The following SNTG2 variants were observed in gnomAD, a reference collection of about 807,000 sequenced individuals.
The protein encoded by SNTG2 is syntrophin gamma 2.
In SNTG2, 74 loss-of-function variants were observed where a neutral mutation model predicts 70.9. That is an observed-to-expected ratio of 1.04 (90% CI 0.86 to 1.27). The LOEUF is 1.27. Among genes scored for constraint, SNTG2 ranks in the 50% most tolerant of loss-of-function variants. SNTG2 has a pLI of 0.00. For synonymous variants in SNTG2, 278 were observed against 273.8 expected, an observed-to-expected ratio of 1.02 and a Z score of -0.15; for missense variants, 717 against 690.7, an observed-to-expected ratio of 1.04 and a Z score of -0.43.
At chr2:1,181,932 T>TA (rs1229542043) in intron 8 of SNTG2, among the ~76,000 whole-genome samples, 1 of 152,208 alleles carries the variant, frequency 6.6e-6, no homozygotes, top group Non-Finnish European at 1.5e-5. Context: ...CTCACATTAA[T>TA]ATCATGCGTT....
rs374123378 is a variant in SNTG2 at position 1,134,451 on chromosome 2, C to G, written c.326-3171C>G. ...ACTAGATTAGCTAGATACAGAGTGTCGACACAAAGGTTCTCCAAGTCTCCA... is the reference window on the plus strand; with the variant it reads ...ACTAGATTAGCTAGATACAGAGTGTGGACACAAAGGTTCTCCAAGTCTCCA... On this transcript the variant is annotated intron_variant, in intron 4 of 16. Coordinates refer to ENST00000308624, the MANE Select transcript of SNTG2 (RefSeq NM_018968.4). 9.6e-4 allele frequency among the ~76,000 whole-genome samples: 129 copies of G among 134,666 alleles called. 2 individuals are homozygous for G. In the South Asian group the frequency reaches 0.031, roughly 33 times the overall value. 88.3% of individuals were successfully genotyped at this position (134,666 alleles called of 152,430 possible).
intron 14 of SNTG2, among the ~76,000 whole-genome samples, chr2:1,304,147 A>G (rs1186679815): frequency 3.3e-5 from 5 of 152,234 alleles, no homozygotes; most frequent in African/African-American, 4.8e-5. Flanking sequence ...ACTCCAGAAA[A>G]TAAACTACAG....
chr2:1,294,428 A>G (rs1250258464), intron 14 of SNTG2, among the ~76,000 whole-genome samples: 2 of 152,280 alleles, frequency 1.3e-5, no homozygotes, highest in Non-Finnish European at 1.5e-5. Flanking sequence ...GAATGAATTT[A>G]TAAGAGAAAC....
Position 1,351,327 on chromosome 2 carries a change from AC to A in SNTG2, c.1489-16014del, listed in dbSNP as rs1168370526. On this transcript the variant is annotated intron_variant, in intron 16 of 16. Transcript: ENST00000308624. ...GTTTGCACAAGTCAGATGTTTTTTAACCTTCTGGCAAGATAATAATGCTGAG... is the reference window on the plus strand; with the variant it reads ...GTTTGCACAAGTCAGATGTTTTTTAACTTCTGGCAAGATAATAATGCTGAG... Among the ~76,000 whole-genome samples the A allele has an allele frequency of 3.9e-5, 6 of 152,208 alleles. No homozygotes were observed. The East Asian group carries it at 1.2e-3, about 29-fold the overall frequency.
chr2:1,120,233 C>A (rs1294504719), intron 4 of SNTG2, among the ~76,000 whole-genome samples: 1 of 151,924 alleles, frequency 6.6e-6, no homozygotes, highest in Non-Finnish European at 1.5e-5. Context: ...TATTACAAAA[C>A]AACAAGAGAA....
At position 1,266,394 on chromosome 2, in the gene SNTG2, G is replaced by T. The variant is rs1678736020; in HGVS notation, c.1078-971G>T. Among the ~76,000 whole-genome samples, 3 of 152,340 alleles carry T rather than the reference G, an allele frequency of 2.0e-5. No homozygotes were observed. The South Asian group carries it at 6.2e-4, about 32-fold the overall frequency. ...CCCCAGGCTGCTCCATGCAGCACAG[G>T]CTGGCAGCATCCGAATCGCCGAGTG... On this transcript the variant is annotated intron_variant, in intron 13 of 16. Transcript: ENST00000308624.
chr2:1,151,311 T>TC (rs1196658206), intron 6 of SNTG2, among the ~76,000 whole-genome samples: 45 of 152,396 alleles, frequency 3.0e-4, no homozygotes, highest in Admixed American at 2.7e-3. Flanking sequence ...GCGGGCTGCC[T>TC]CCGGGGGGTG....
At chr2:982,404 A>C (rs1461892631) in intron 1 of SNTG2, among the ~76,000 whole-genome samples, 1 of 152,292 alleles carries the variant, frequency 6.6e-6, no homozygotes, top group Non-Finnish European at 1.5e-5. Context: ...CCCTCGGTAC[A>C]CGGAGGACAC....
At chr2:1,031,522 A>ATATATATATATATATG (rs1379364116) in intron 1 of SNTG2, among the ~76,000 whole-genome samples, 1 of 47,766 alleles carries the variant, frequency 2.1e-5, no homozygotes, top group Non-Finnish European at 4.0e-5. Flanking sequence ...ATATATATAT[A>ATATATATATATATATG]TATATATTTT....
intron 1 of SNTG2, among the ~76,000 whole-genome samples, chr2:969,499 G>C (rs546163204): frequency 6.6e-6 from 1 of 152,134 alleles, no homozygotes; most frequent in Non-Finnish European, 1.5e-5. Context: ...CATGAGCATG[G>C]AATGTTTTTC....
chr2:1,016,484 G>A (rs371181301), intron 1 of SNTG2, among the ~76,000 whole-genome samples: 3 of 152,214 alleles, frequency 2.0e-5, no homozygotes, highest in African/African-American at 4.8e-5. Context: ...CAGGTGATCC[G>A]CCCGCCTCAG....
At position 1,349,601 on chromosome 2, in the gene SNTG2, A is replaced by G. The variant is rs1463868084; in HGVS notation, c.1489-17742A>G. Among the ~76,000 whole-genome samples the G allele has an allele frequency of 2.6e-5, 4 of 152,244 alleles. 1 individual carries two copies. In the East Asian group the frequency reaches 7.7e-4, roughly 29 times the overall value. ...TTCTGAGCTGGGCCTGTGCCCAGGCATGAACAAGGCCATCAGCTTGTGAGG... is the reference window on the plus strand; with the variant it reads ...TTCTGAGCTGGGCCTGTGCCCAGGCGTGAACAAGGCCATCAGCTTGTGAGG... On this transcript the variant is annotated intron_variant, in intron 16 of 16. Transcript: ENST00000308624.
chr2:1,163,280 C>T (rs1470111236), intron 6 of SNTG2: 1 of 151,644 alleles, frequency 6.6e-6, no homozygotes, highest in Non-Finnish European at 1.5e-5. Flanking sequence ...GTGAAGCCTC[C>T]CAACAGGAGG....
intron 1 of SNTG2, among the ~76,000 whole-genome samples, chr2:1,001,287 G>C (rs894934901): frequency 1.3e-5 from 2 of 151,944 alleles, no homozygotes; most frequent in African/African-American, 4.8e-5. Context: ...TAAAGAGAAA[G>C]ACATAAAAGA....
At chr2:1,007,836 C>T (rs1032926879) in intron 1 of SNTG2, among the ~76,000 whole-genome samples, 1 of 152,150 alleles carries the variant, frequency 6.6e-6, no homozygotes, top group Admixed American at 6.5e-5. Flanking sequence ...TGCAGTGGTG[C>T]GATCTCGGCT....
At chr2:1,291,162 T>C (rs894433048) in intron 14 of SNTG2, among the ~76,000 whole-genome samples, 2 of 152,174 alleles carry the variant, frequency 1.3e-5, no homozygotes, top group African/African-American at 4.8e-5. Flanking sequence ...CTTGGAGTAA[T>C]GTCTATTCAG....
At chr2:1,174,902 G>A (rs1671368567) in intron 8 of SNTG2, among the ~76,000 whole-genome samples, 1 of 152,102 alleles carries the variant, frequency 6.6e-6, no homozygotes, top group Admixed American at 6.6e-5. Flanking sequence ...CCATTGAAAT[G>A]TTTAATATAC....
chr2:1,037,093 G>A (rs180727466), intron 1 of SNTG2, among the ~76,000 whole-genome samples: 1 of 152,366 alleles, frequency 6.6e-6, no homozygotes, highest in Non-Finnish European at 1.5e-5. Flanking sequence ...CCAAGTCTGA[G>A]TGGCTCGCAG....
intron 6 of SNTG2, among the ~76,000 whole-genome samples, chr2:1,140,816 GA>G (rs11321093): frequency 0.99 from 150,460 of 152,354 alleles, 74,321 homozygotes; most frequent in East Asian, 1. Context: ...TAAGTGCTAT[GA>G]AAACCATTGA....
Sources: gnomAD v4.1 joint callset for allele counts (sites outside exome capture counted in the v4.1 genomes callset) on GRCh38, gnomAD v4.1.1 for gene constraint, MANE v1.5 for transcripts, NCBI Gene and HGNC (gene_info 2026-07-23, HGNC 2026-07-21) for gene names.